LRRC9: variants seen among roughly 807,000 people sequenced by gnomAD.
The protein encoded by LRRC9 is leucine-rich repeat-containing protein 9.
Under a neutral mutation model 63.2 loss-of-function variants are expected in LRRC9, and 122 were observed. The observed-to-expected ratio is 1.93, with a 90% CI of 1.67 to 2.24. The LOEUF is 2.24. LRRC9 is among the 30% of genes most tolerant of loss of function. The pLI, the probability that LRRC9 is intolerant of heterozygous loss-of-function variation, is 0.00. For synonymous variants in LRRC9, 366 were observed against 213.1 expected, an observed-to-expected ratio of 1.72 and a Z score of -6.25; for missense variants, 1,071 against 627.7, an observed-to-expected ratio of 1.71 and a Z score of -7.55.
At chr14:60,045,021 C>A (rs1893287637) in intron 29 of LRRC9, among the ~76,000 whole-genome samples, 1 of 147,214 alleles carries the variant, frequency 6.8e-6, no homozygotes, top group Non-Finnish European at 1.5e-5. Flanking sequence ...TGAATTGAAA[C>A]CTTTGTCATT....
At chr14:60,019,541 T>G (rs754850117) in intron 26 of LRRC9, among the ~76,000 whole-genome samples, 33 of 151,954 alleles carry the variant, frequency 2.2e-4, no homozygotes, top group Non-Finnish European at 3.4e-4. Context: ...TTGTACTGCA[T>G]GTTTAATGAC....
chr14:59,958,524 C>T lies in LRRC9; in HGVS notation c.883-1294C>T, dbSNP rs546183472. Among the ~76,000 whole-genome samples the T allele has an allele frequency of 1.2e-4, 19 of 152,318 alleles. No individual in the cohort carries two copies. In the South Asian group the frequency reaches 2.9e-3, roughly 23 times the overall value. On this transcript the variant is annotated intron_variant, in intron 8 of 31. Coordinates refer to ENST00000445360, the Ensembl canonical transcript of LRRC9. This position sits in a 1 kb window ranked among gnomAD's most constrained non-coding sequence, Gnocchi z 4.0. ...CGACTTCAGACTGCTGTGCTGGCAG[C>T]GAGAATTTCAAGCTAGTGGTTCTTA...
chr14:59,934,284 C>T (rs560725490), intron 6 of LRRC9, among the ~76,000 whole-genome samples: 23 of 152,144 alleles, frequency 1.5e-4, no homozygotes, highest in Non-Finnish European at 2.9e-4. Flanking sequence ...GATTACAGTT[C>T]TTAGCAAGCT....
chr14:60,017,201 T>C lies in LRRC9; in HGVS notation c.3317+411T>C, dbSNP rs528282262. Among the ~76,000 whole-genome samples the C allele has an allele frequency of 2.2e-3, 334 of 152,068 alleles. 1 individual carries two copies. The highest frequency in any genetic ancestry group is 4.2e-3 in the Non-Finnish European group (286 of 67,992). On this transcript the variant is annotated intron_variant, in intron 24 of 31. Transcript: ENST00000445360. This position sits in a 1 kb window ranked among gnomAD's most constrained non-coding sequence, Gnocchi z 4.0. Reference sequence around the variant, plus strand: ...CCCAGCCTAAAATTAAAAATTCCTTTGTATGGCATAAAAGACTCTTTATTA... The same window carrying C: ...CCCAGCCTAAAATTAAAAATTCCTTCGTATGGCATAAAAGACTCTTTATTA...
At chr14:60,033,603 T>C (rs1892171568) in intron 29 of LRRC9, among the ~76,000 whole-genome samples, 1 of 152,164 alleles carries the variant, frequency 6.6e-6, no homozygotes, top group African/African-American at 2.4e-5. Flanking sequence ...CATCTTGAAA[T>C]TCCTGGGATG....
At chr14:60,022,899 T>C (rs1435977748) in intron 27 of LRRC9, 29 bp downstream of exon 27, 1 of 522,668 alleles carries the variant, frequency 1.9e-6, no homozygotes, top group South Asian at 2.8e-5. Context: ...ACTGTATAAG[T>C]CTTTATTTTT....
At chr14:59,993,261 T>C (rs1286881041) in intron 17 of LRRC9, among the ~76,000 whole-genome samples, 1 of 152,186 alleles carries the variant, frequency 6.6e-6, no homozygotes, top group Non-Finnish European at 1.5e-5. Flanking sequence ...AAGTAAATGC[T>C]GAGAGATTCT....
At chr14:60,065,251 G>A (rs1894856595), downstream of LRRC9, among the ~76,000 whole-genome samples, 1 of 151,662 alleles carries the variant, frequency 6.6e-6, no homozygotes, top group Non-Finnish European at 1.5e-5. Context: ...GTGGTGGTGT[G>A]CTCCTGTAGT....
chr14:60,025,756 CA>C (rs1210239362), intron 27 of LRRC9, among the ~76,000 whole-genome samples: 2 of 151,520 alleles, frequency 1.3e-5, no homozygotes, highest in African/African-American at 4.9e-5. Context: ...TGTTATGGTA[CA>C]AAGTCAAACC....
At chr14:59,970,713 G>A (rs756692711) in intron 12 of LRRC9, among the ~76,000 whole-genome samples, 1 of 151,832 alleles carries the variant, frequency 6.6e-6, no homozygotes, top group Non-Finnish European at 1.5e-5. Context: ...TATGCTTATT[G>A]GCCACATGTA....
chr14:60,035,188 T>C (rs977051127), intron 29 of LRRC9, among the ~76,000 whole-genome samples: 4 of 152,184 alleles, frequency 2.6e-5, no homozygotes, highest in African/African-American at 9.6e-5. Flanking sequence ...GTTTTAAAAT[T>C]TGATTATTTA....
chr14:59,978,306 A>G lies in LRRC9; in HGVS notation c.1878+174A>G, dbSNP rs138103690. ...CAAGTCAACTAATATTTTTTAGGCA[A>G]ATAATCAAATGATTAATATATGGCT... is the stretch of plus-strand genomic sequence containing the variant. On this transcript the variant is annotated intron_variant, in intron 15 of 31. Transcript: ENST00000445360. 7.9e-5 allele frequency among the ~76,000 whole-genome samples: 12 copies of G among 152,350 alleles called. 1 individual carries two copies. The highest frequency in any genetic ancestry group is 2.6e-4 in the African/African-American group (11 of 41,598).
At chr14:60,005,952 T>C (rs1019821876) in intron 21 of LRRC9, among the ~76,000 whole-genome samples, 7 of 152,144 alleles carry the variant, frequency 4.6e-5, no homozygotes, top group Non-Finnish European at 1.0e-4. Flanking sequence ...AAAAGTAGGC[T>C]AGATTGTTCA....
At chr14:59,939,046 T>C (rs1211522538) in intron 7 of LRRC9, among the ~76,000 whole-genome samples, 1 of 147,834 alleles carries the variant, frequency 6.8e-6, no homozygotes, top group African/African-American at 2.5e-5. Flanking sequence ...CATATATACA[T>C]ATATACACAT....
chr14:59,952,157 G>A (rs1266257503), intron 8 of LRRC9, among the ~76,000 whole-genome samples: 3 of 151,762 alleles, frequency 2.0e-5, no homozygotes, highest in South Asian at 2.1e-4. Context: ...GCGAGATTCC[G>A]TGGGCGTAGG....
At chr14:60,023,995 A>G (rs1442284339) in intron 27 of LRRC9, among the ~76,000 whole-genome samples, 1 of 152,130 alleles carries the variant, frequency 6.6e-6, no homozygotes, top group Non-Finnish European at 1.5e-5. Flanking sequence ...TTATGGCTGC[A>G]TAGTATTCCA....
rs1228594166 is a variant in LRRC9, at chr14:59,938,774, A to T, written c.726+202A>T. ...CTAGAATCTTAATTTTGATGACAGT[A>T]CTGGAAGGTGAAATAATAGAATAAT... On this transcript the variant is annotated intron_variant, in intron 7 of 31. Transcript: ENST00000445360. This position sits in a 1 kb window ranked among gnomAD's most constrained non-coding sequence, Gnocchi z 4.2. 6.6e-6 allele frequency among the ~76,000 whole-genome samples: 1 copy of T among 151,330 alleles called. No individual in the cohort carries two copies. The highest frequency in any genetic ancestry group is 1.5e-5 in the Non-Finnish European group (1 of 67,830).
chr14:59,960,838 A>G, intron 9 of LRRC9, 76 bp from the exon 10 acceptor site: 1 of 485,354 alleles, frequency 2.1e-6, no homozygotes, highest in South Asian at 3.9e-5. Context: ...CATCAGTTAA[A>G]AAAAATCTAT....
rs528444599 is a variant in LRRC9, at chr14:59,930,134, A to G, written c.268-784A>G. Among the ~76,000 whole-genome samples, 6 of 152,210 alleles carry G rather than the reference A, an allele frequency of 3.9e-5. No homozygotes were observed. Among genetic ancestry groups the G allele is most frequent in the African/African-American group, 1.4e-4 (6 of 41,570 alleles). On this transcript the variant is annotated intron_variant, in intron 3 of 31. Coordinates refer to ENST00000445360, the Ensembl canonical transcript of LRRC9. The surrounding 1 kb of genome is among the most constrained non-coding windows in gnomAD (Gnocchi z 4.9). ...AAAAACAGAAATAAGGGATTAAAACATAAACATATTCTACTTTTTAGTAAT... is the reference window on the plus strand; with the variant it reads ...AAAAACAGAAATAAGGGATTAAAACGTAAACATATTCTACTTTTTAGTAAT...
Sources: allele counts gnomAD v4.1 joint callset (sites outside exome capture counted in the v4.1 genomes callset), GRCh38; gene constraint gnomAD v4.1.1; non-coding constraint Gnocchi (gnomAD v3.1); transcripts MANE v1.5; gene names NCBI Gene and HGNC (gene_info 2026-07-23, HGNC 2026-07-21).